Variants in MED13L observed in about 807,000 individuals in gnomAD.
MED13L encodes the protein mediator of RNA polymerase II transcription subunit 13-like.
MED13L carries 7 observed loss-of-function variants against 220.9 expected under a neutral mutation model. The observed-to-expected ratio is 0.03, with a 90% CI of 0.02 to 0.06. The LOEUF (loss-of-function observed/expected upper bound fraction) is 0.06, where lower values mean the gene tolerates loss of function less well. Among genes scored for constraint, MED13L ranks in the 10% least tolerant of loss-of-function variants. The pLI, the probability that MED13L is intolerant of heterozygous loss-of-function variation, is 1.00. For missense variants in MED13L, 1,965 were observed against 2,760.5 expected (o/e 0.71, Z 6.46); for synonymous variants, 1,011 against 1,015.2 (o/e 1.00, Z 0.08).
At chr12:116,115,746 G>A (rs1211707326) in intron 2 of MED13L, among the ~76,000 whole-genome samples, 1 of 151,822 alleles carries the variant, frequency 6.6e-6, no homozygotes, top group Non-Finnish European at 1.5e-5. Context: ...TAGCAAATAA[G>A]TATATGAAAA....
rs986709367 is a variant in MED13L, at chr12:115,959,398, T to A, written c.*1868A>T. 1 of 152,332 alleles carries A rather than the reference T, an allele frequency of 6.6e-6. No homozygotes were observed. The highest frequency in any genetic ancestry group is 1.5e-5 in the Non-Finnish European group (1 of 67,970). 9.4% of individuals were successfully genotyped at this position (152,332 alleles called of 1,614,324 possible). A position where few individuals can be genotyped will look rare whatever the true frequency, so the allele number is the denominator to read the frequency against. ...AAAAACAGCCCATTTAAAAAAAAAA[T>A]TCAAAGTTCTGATGAATTCCGGGAA... On this transcript the variant is annotated 3_prime_UTR_variant, in exon 31 of 31. Coordinates refer to ENST00000281928, the MANE Select transcript of MED13L (RefSeq NM_015335.5).
At position 116,053,801 on chromosome 12, in the gene MED13L, T is replaced by C. The variant is rs549780344; in HGVS notation, c.480-31200A>G. Among the ~76,000 whole-genome samples, 7 of 152,312 alleles carry C rather than the reference T, an allele frequency of 4.6e-5. No individual in the cohort carries two copies. In the South Asian group the frequency reaches 1.4e-3, roughly 32 times the overall value. ...AAAACTGGTTATAGTTCAGTAACCATTAGCAAAAGGCTTTCACCTTAAATC... is the reference window on the plus strand; with the variant it reads ...AAAACTGGTTATAGTTCAGTAACCACTAGCAAAAGGCTTTCACCTTAAATC... On this transcript the variant is annotated intron_variant, in intron 4 of 30. Coordinates refer to ENST00000281928, the MANE Select transcript of MED13L (RefSeq NM_015335.5).
intron 2 of MED13L, among the ~76,000 whole-genome samples, chr12:116,217,150 T>C (rs951904377): frequency 2.6e-5 from 4 of 152,170 alleles, no homozygotes; most frequent in Non-Finnish European, 5.9e-5. Flanking sequence ...CAGTTACCTC[T>C]ACCCAGGAAA....
At chr12:116,160,635 G>C (rs907825425) in intron 2 of MED13L, among the ~76,000 whole-genome samples, 6 of 151,962 alleles carry the variant, frequency 3.9e-5, no homozygotes, top group Non-Finnish European at 8.8e-5. Context: ...GAGTGCAGTG[G>C]CATGATCAGA....
chr12:115,996,070 G>A (rs1592928808), intron 16 of MED13L, among the ~76,000 whole-genome samples: 1 of 152,192 alleles, frequency 6.6e-6, no homozygotes, highest in East Asian at 1.9e-4. Flanking sequence ...CAAATGATAT[G>A]CTACTTGTCA....
intron 2 of MED13L, among the ~76,000 whole-genome samples, chr12:116,233,365 G>A (rs911797187): frequency 2.6e-5 from 4 of 151,988 alleles, no homozygotes; most frequent in African/African-American, 9.7e-5. Context: ...TGGTTTCCCT[G>A]TACACATTAA....
At chr12:116,105,499 A>C (rs572868483) in intron 3 of MED13L, among the ~76,000 whole-genome samples, 1 of 152,370 alleles carries the variant, frequency 6.6e-6, no homozygotes, top group East Asian at 1.9e-4. Context: ...TAATTGCATG[A>C]TCTAAAACTA....
intron 4 of MED13L, among the ~76,000 whole-genome samples, chr12:116,051,032 T>C (rs1868464995): frequency 6.6e-6 from 1 of 152,196 alleles, no homozygotes; most frequent in Non-Finnish European, 1.5e-5. Context: ...AAATGTATAT[T>C]GTACAAAACT....
intron 1 of MED13L, among the ~76,000 whole-genome samples, chr12:116,261,675 T>TTA (rs1872528831): frequency 6.6e-6 from 1 of 152,180 alleles, no homozygotes; most frequent in Admixed American, 6.5e-5. Flanking sequence ...GTCTACTGTT[T>TTA]AACAACTTCA....
intron 2 of MED13L, among the ~76,000 whole-genome samples, chr12:116,116,786 T>G (rs1874559647): frequency 1.3e-5 from 2 of 151,608 alleles, no homozygotes; most frequent in Non-Finnish European, 2.9e-5. Flanking sequence ...CAAAACTGAT[T>G]AATTACCTGA....
intron 2 of MED13L, among the ~76,000 whole-genome samples, chr12:116,204,829 T>C (rs905747935): frequency 5.3e-5 from 8 of 152,254 alleles, no homozygotes; most frequent in Non-Finnish European, 1.2e-4. Flanking sequence ...TAAGCTAACC[T>C]GGCCAGAGTT....
intron 2 of MED13L, among the ~76,000 whole-genome samples, chr12:116,169,546 G>A (rs542813836): frequency 1.3e-5 from 2 of 152,166 alleles, no homozygotes; most frequent in East Asian, 1.9e-4. Context: ...ATAACAATAC[G>A]TTGTTTTGGT....
intron 4 of MED13L, among the ~76,000 whole-genome samples, chr12:116,035,524 T>A (rs1160841036): frequency 2.0e-5 from 3 of 152,116 alleles, no homozygotes; most frequent in Admixed American, 6.5e-5. Context: ...TAATATATTT[T>A]GTAATGGCTA....
At chr12:116,157,606 A>AT (rs1180080791) in intron 2 of MED13L, among the ~76,000 whole-genome samples, 1 of 152,256 alleles carries the variant, frequency 6.6e-6, no homozygotes, top group East Asian at 1.9e-4. Flanking sequence ...AGCACTATGC[A>AT]TCCTACTACC....
At chr12:116,083,851 G>A (rs893537887) in intron 4 of MED13L, among the ~76,000 whole-genome samples, 3 of 152,120 alleles carry the variant, frequency 2.0e-5, no homozygotes, top group Middle Eastern at 6.3e-3. Flanking sequence ...AATGCCTGAC[G>A]TGTTCAAAGG....
chr12:116,258,536 G>A (rs1011569252), intron 1 of MED13L, among the ~76,000 whole-genome samples: 1 of 152,090 alleles, frequency 6.6e-6, no homozygotes, highest in African/African-American at 2.4e-5. Flanking sequence ...CAGCACTTTG[G>A]GAGGCCGAGG....
chr12:116,229,733 T>C (rs1869367770), intron 2 of MED13L, among the ~76,000 whole-genome samples: 1 of 152,236 alleles, frequency 6.6e-6, no homozygotes, highest in Non-Finnish European at 1.5e-5. Flanking sequence ...AATATGAATG[T>C]ATTATTTATC....
In MED13L at chr12:116,233,484, C is replaced by T. The variant is rs563574924; in HGVS notation, c.310+3984G>A. ...AAGTCTAAATGTCTTATCCTTGGTTCTGTGTACTCCATACTATGACCCACC... is the reference window on the plus strand; with the variant it reads ...AAGTCTAAATGTCTTATCCTTGGTTTTGTGTACTCCATACTATGACCCACC... On this transcript the variant is annotated intron_variant, in intron 2 of 30. Coordinates refer to ENST00000281928, the MANE Select transcript of MED13L (RefSeq NM_015335.5). Among the ~76,000 whole-genome samples, 4 of 152,236 alleles carry T rather than the reference C, an allele frequency of 2.6e-5. No individual in the cohort carries two copies. In the South Asian group the frequency reaches 8.3e-4, roughly 32 times the overall value.
In MED13L at chr12:115,983,479, G is replaced by A. The variant is rs138774472; in HGVS notation, c.4593C>T (p.Thr1531=). 543 of 1,614,152 alleles carry A rather than the reference G, an allele frequency of 3.4e-4. 2 individuals carry two copies. In the African/African-American group the frequency reaches 6.0e-3, roughly 18 times the overall value. The change falls in exon 21 of 31, where the codon ACC becomes ACT. Residue 1531 remains threonine (T), a synonymous_variant. Transcript: ENST00000281928. ...SSLLIPPKYQ[T]PPAAAQGQAT... ...CTTGTCCCTGTGCTGCTGCTGGTGG[G>A]GTCTGGTATTTAGGTGGTATCAATA...
Sources: gnomAD v4.1 joint callset for allele counts (sites outside exome capture counted in the v4.1 genomes callset) on GRCh38, gnomAD v4.1.1 for gene constraint, MANE v1.5 for transcripts, NCBI Gene and HGNC (gene_info 2026-07-23, HGNC 2026-07-21) for gene names.